CLHC1: variants seen among roughly 807,000 people sequenced by gnomAD.
CLHC1 encodes the protein clathrin heavy chain linker domain-containing protein 1.
Under a neutral mutation model 69.5 loss-of-function variants are expected in CLHC1, and 72 were observed. That is an observed-to-expected ratio of 1.04 (90% confidence interval 0.86 to 1.26). CLHC1 has a LOEUF of 1.26. Among genes scored for constraint, CLHC1 ranks in the 50% most tolerant of loss-of-function variants. The pLI, the probability that CLHC1 is intolerant of heterozygous loss-of-function variation, is 0.00. For synonymous variants in CLHC1, 223 were observed against 224.3 expected (o/e 0.99, Z 0.05); for missense variants, 790 against 679.3 (o/e 1.16, Z -1.81).
intron 9 of CLHC1, among the ~76,000 whole-genome samples, chr2:55,191,145 A>G (rs1218602367): frequency 6.6e-6 from 1 of 152,228 alleles, no homozygotes; most frequent in Non-Finnish European, 1.5e-5. Context: ...CGAAGGTAAA[A>G]TGTAGAATTT....
At chr2:55,213,471 C>T (rs1673199794) in intron 4 of CLHC1, among the ~76,000 whole-genome samples, 1 of 152,214 alleles carries the variant, frequency 6.6e-6, no homozygotes, top group Non-Finnish European at 1.5e-5. Context: ...TCTGCAAAGA[C>T]CCTTTTTCCA....
At chr2:55,229,589 C>T (rs946012316) in intron 1 of CLHC1, among the ~76,000 whole-genome samples, 3 of 152,102 alleles carry the variant, frequency 2.0e-5, no homozygotes, top group Admixed American at 6.6e-5. Flanking sequence ...TACCTTTGTG[C>T]GGTTTAGAAA....
At chr2:55,192,898 T>A (rs1671062665) in intron 9 of CLHC1, among the ~76,000 whole-genome samples, 1 of 141,356 alleles carries the variant, frequency 7.1e-6, no homozygotes, top group Admixed American at 7.0e-5. Context: ...CTTTTTTTTT[T>A]TTTTTTTTTT....
intron 1 of CLHC1, among the ~76,000 whole-genome samples, chr2:55,230,706 T>C (rs1675226079): frequency 6.6e-6 from 1 of 151,906 alleles, no homozygotes; most frequent in South Asian, 2.1e-4. Context: ...TTTGAAAGGT[T>C]TTCAAAGAGA....
chr2:55,191,062 G>T (rs1670879625), intron 9 of CLHC1, among the ~76,000 whole-genome samples: 1 of 152,160 alleles, frequency 6.6e-6, no homozygotes, highest in Non-Finnish European at 1.5e-5. Flanking sequence ...CCAGAAGACA[G>T]TGAAACAAAA....
rs1270350263 is a variant in CLHC1, at chr2:55,199,367, C to T, written c.1006+6903G>A. ...TCAATCAGAAAGAAAAGGATATTAA[C>T]GAACAATAAGAAATTAAAGGTACAA... On this transcript the variant is annotated intron_variant, in intron 9 of 12. Transcript: ENST00000401408. Among the ~76,000 whole-genome samples the T allele has an allele frequency of 5.0e-5, 7 of 141,248 alleles. 1 individual carries two copies. Among genetic ancestry groups the T allele is most frequent in the Admixed American group, 7.0e-5 (1 of 14,256 alleles). The allele number at this position is 141,248 out of a possible 152,430, so 92.7% of individuals were successfully genotyped here. A position where few individuals can be genotyped will look rare whatever the true frequency, so the allele number is the denominator to read the frequency against.
chr2:55,199,593 TA>T (rs1308543963), intron 9 of CLHC1, among the ~76,000 whole-genome samples: 1 of 152,152 alleles, frequency 6.6e-6, no homozygotes, highest in Non-Finnish European at 1.5e-5. Context: ...GGGACAAAGT[TA>T]AAGTCTAGAA....
intron 9 of CLHC1, among the ~76,000 whole-genome samples, chr2:55,198,988 T>A (rs62135098): frequency 6.6e-6 from 1 of 152,040 alleles, no homozygotes; most frequent in African/African-American, 2.4e-5. Flanking sequence ...ATCAACATCA[T>A]ACTTGTCCCT....
chr2:55,192,482 A>G (rs1671027577), intron 9 of CLHC1, among the ~76,000 whole-genome samples: 1 of 152,156 alleles, frequency 6.6e-6, no homozygotes, highest in African/African-American at 2.4e-5. Context: ...CTTATATATG[A>G]AGACACTAAT....
intron 1 of CLHC1, among the ~76,000 whole-genome samples, chr2:55,230,175 T>A (rs1187619827): frequency 6.6e-6 from 1 of 152,230 alleles, no homozygotes; most frequent in Non-Finnish European, 1.5e-5. Flanking sequence ...ACTGCAATAA[T>A]CAAGGCAAAA....
chr2:55,186,921 GGA>G (rs1670469073), intron 9 of CLHC1, among the ~76,000 whole-genome samples: 1 of 152,014 alleles, frequency 6.6e-6, no homozygotes, highest in African/African-American at 2.4e-5. Flanking sequence ...ACAAATTAGT[GGA>G]GAAAGTACAG....
intron 4 of CLHC1, among the ~76,000 whole-genome samples, chr2:55,213,340 A>G (rs899669007): frequency 2.0e-5 from 3 of 152,310 alleles, no homozygotes; most frequent in Non-Finnish European, 2.9e-5. Flanking sequence ...CTCTGCCTCT[A>G]TGGTCATACT....
rs1672752800 is a variant in CLHC1 at position 55,209,296 on chromosome 2, T to C, written c.814+108A>G. 4 of 663,926 alleles carry C rather than the reference T, an allele frequency of 6.0e-6. No individual in the cohort carries two copies. In the South Asian group the frequency reaches 7.8e-5, roughly 13 times the overall value. The allele number at this position is 663,926 out of a possible 1,614,324, so 41.1% of individuals were successfully genotyped here. Reference sequence around the variant, plus strand: ...TAGCGTAACAGACAACCAGCTGAAGTATGATCTTGCTTTATTTAAACTCAG... The same window carrying C: ...TAGCGTAACAGACAACCAGCTGAAGCATGATCTTGCTTTATTTAAACTCAG... On this transcript the variant is annotated intron_variant, in intron 7 of 12. Coordinates refer to ENST00000401408, the MANE Select transcript of CLHC1 (RefSeq NM_152385.4).
intron 9 of CLHC1, among the ~76,000 whole-genome samples, chr2:55,185,442 A>G (rs749549740): frequency 1.3e-4 from 20 of 152,236 alleles, no homozygotes; most frequent in Non-Finnish European, 2.9e-4. Context: ...CATGAAGACA[A>G]CAGGCACAGT....
intron 9 of CLHC1, 106 bp downstream of exon 9, chr2:55,206,164 G>A: frequency 1.5e-6 from 1 of 653,996 alleles, no homozygotes; most frequent in Non-Finnish European, 2.7e-6. Context: ...TAGAGATAGG[G>A]CTGGGGCCTA....
intron 2 of CLHC1, among the ~76,000 whole-genome samples, chr2:55,223,361 T>G (rs1674343802): frequency 6.6e-6 from 1 of 152,184 alleles, no homozygotes; most frequent in Non-Finnish European, 1.5e-5. Context: ...ACAGTATTTT[T>G]CAGAGTATAG....
intron 2 of CLHC1, chr2:55,225,070 A>T (rs560646597): frequency 1.7e-4 from 27 of 154,822 alleles, no homozygotes; most frequent in Non-Finnish European, 2.9e-4. Flanking sequence ...CAGACCAGAC[A>T]GAGCCGGGAA....
intron 9 of CLHC1, among the ~76,000 whole-genome samples, chr2:55,200,236 A>AAC (rs1287618830): frequency 7.1e-6 from 1 of 139,986 alleles, no homozygotes; most frequent in Non-Finnish European, 1.5e-5. Context: ...AAAAAAAAAA[A>AAC]AAAAAAAAAC....
Position 55,177,776 on chromosome 2 carries a change from G to A in CLHC1, c.1390C>T (p.Leu464=). The change falls in exon 12 of 13, where the codon CTG becomes TTG. Residue 464 remains leucine, a synonymous_variant. Transcript: ENST00000401408. The part of the protein sequence containing the change: ...QQLKDFTTDD[L]LQLLMSCPQV... ...GGACATGACATTAATAGCTGCAACAGGTCATCTGAAGGCAAAAATGAAAAA... is the reference window on the plus strand; with the variant it reads ...GGACATGACATTAATAGCTGCAACAAGTCATCTGAAGGCAAAAATGAAAAA... 2 of 1,599,750 alleles carry A rather than the reference G, an allele frequency of 1.3e-6. No homozygotes were observed. Among genetic ancestry groups the A allele is most frequent in the Non-Finnish European group, 1.7e-6 (2 of 1,174,432 alleles).
Sources: allele counts gnomAD v4.1 joint callset (sites outside exome capture counted in the v4.1 genomes callset), GRCh38; gene constraint gnomAD v4.1.1; transcripts MANE v1.5; gene names NCBI Gene and HGNC (gene_info 2026-07-23, HGNC 2026-07-21).